Variants in RICTOR observed in about 807,000 individuals in gnomAD.
RICTOR encodes the protein RPTOR independent companion of MTOR complex 2, also known as rapamycin-insensitive companion of mTOR.
RICTOR carries 49 observed loss-of-function variants against 214.9 expected under a neutral mutation model. The observed-to-expected ratio is 0.23, with a 90% CI of 0.18 to 0.29. The LOEUF is 0.29. Ranked by LOEUF, RICTOR falls within the 10% of genes least tolerant of loss-of-function variation. RICTOR has a pLI of 1.00. For missense variants in RICTOR, 1,625 were observed against 2,047.0 expected (o/e 0.79, Z 3.98); for synonymous variants, 717 against 711.3 (o/e 1.01, Z -0.13).
rs1350352426 is a variant in RICTOR, at chr5:38,950,371, T to A, written c.3477A>T (p.Leu1159Phe). Residue 1159 changes from leucine (L) to phenylalanine (F), a missense_variant, in exon 31 of 38, where the codon TTA (leucine) becomes TTT (phenylalanine). By Grantham distance (22) the Leu-to-Phe change is conservative (BLOSUM62 0). Coordinates refer to ENST00000357387, the MANE Select transcript of RICTOR (RefSeq NM_152756.5). ...GCTTATTCCCCATAAATGAAGTCTC[T>A]AATTGTAATGTTTTCTGTACAGTGG... The part of the protein sequence containing the change: ...PISTVQKTLQ[L>F]ETSFMGNKHI... 6.2e-7 allele frequency: 1 copy of A among 1,613,370 alleles called. No individual in the cohort carries two copies. The highest frequency in any genetic ancestry group is 8.5e-7 in the Non-Finnish European group (1 of 1,179,506).
Position 38,960,330 on chromosome 5 carries a change from CAGAG to C in RICTOR, c.1851+64_1851+67del, listed in dbSNP as rs1011138125. The C allele has an allele frequency of 7.3e-5, 107 of 1,468,250 alleles. 1 individual carries two copies. In the African/African-American group the frequency reaches 1.4e-3, roughly 20 times the overall value. The allele number at this position is 1,468,250 out of a possible 1,614,324, so 91.0% of individuals were successfully genotyped here. A position where few individuals can be genotyped will look rare whatever the true frequency, so the allele number is the denominator to read the frequency against. On this transcript the variant is annotated intron_variant, in intron 20 of 37. Transcript: ENST00000357387. ...ATAAAAGCAAAACACAAGGTGGAAA[CAGAG>C]GGAGGGTAAGGGAAGCAAATTCAAT...
At chr5:39,025,102 C>T (rs2150141583) in intron 2 of RICTOR, among the ~76,000 whole-genome samples, 1 of 152,202 alleles carries the variant, frequency 6.6e-6, no homozygotes, top group Middle Eastern at 3.4e-3. Context: ...AGATGTTATC[C>T]TTCTTAACCC....
intron 1 of RICTOR, 53 bp downstream of exon 1, chr5:39,074,276 G>A (rs2150230222): frequency 1.3e-6 from 2 of 1,570,024 alleles, no homozygotes; most frequent in Non-Finnish European, 1.7e-6. Context: ...GAAGGCAAGT[G>A]CCAGGGGTGG....
chr5:39,055,426 C>CA (rs199794018), intron 2 of RICTOR, among the ~76,000 whole-genome samples: 6 of 129,456 alleles, frequency 4.6e-5, no homozygotes, highest in African/African-American at 1.2e-4. Flanking sequence ...TTCCCCCCCC[C>CA]CACTCTTTTT....
chr5:38,984,078 G>A (rs910822301), intron 7 of RICTOR, among the ~76,000 whole-genome samples: 2 of 151,884 alleles, frequency 1.3e-5, no homozygotes, highest in African/African-American at 4.8e-5. Flanking sequence ...AAAGTACCTG[G>A]ATGAGTTTTT....
At chr5:38,989,565 C>T (rs1246411220) in intron 7 of RICTOR, among the ~76,000 whole-genome samples, 1 of 152,072 alleles carries the variant, frequency 6.6e-6, no homozygotes, top group African/African-American at 2.4e-5. Flanking sequence ...CGTCAACAGG[C>T]AACCTACAGA....
intron 3 of RICTOR, among the ~76,000 whole-genome samples, chr5:39,008,499 C>G (rs1283082304): frequency 6.6e-6 from 1 of 151,922 alleles, no homozygotes; most frequent in Non-Finnish European, 1.5e-5. Flanking sequence ...CCAGAGCCCA[C>G]TATGAAAAAT....
Position 38,954,854 on chromosome 5 carries a change from G to T in RICTOR, c.2617C>A (p.Arg873Ser). 6.4e-7 allele frequency: 1 copy of T among 1,553,228 alleles called. No homozygotes were observed. Among genetic ancestry groups the T allele is most frequent in the Non-Finnish European group, 8.9e-7 (1 of 1,126,958 alleles). The change falls in exon 27 of 38, where the codon CGT becomes AGT. Residue 873 changes from arginine (R) to serine (S), a missense_variant. Arg to Ser is a moderately radical substitution (Grantham distance 110, BLOSUM62 -1). Coordinates refer to ENST00000357387, the MANE Select transcript of RICTOR (RefSeq NM_152756.5). ...YVRRSNQRLQ[R>S]PHVYLPIHLY... is the part of the protein sequence containing the mutation. ...TGTATAGGCAGGTAGACGTGAGGACGCTGTAATCTAGTATAATAAAGATGA... is the reference window on the plus strand; with the variant it reads ...TGTATAGGCAGGTAGACGTGAGGACTCTGTAATCTAGTATAATAAAGATGA...
intron 2 of RICTOR, among the ~76,000 whole-genome samples, chr5:39,025,853 A>C (rs1481211424): frequency 1.3e-5 from 2 of 152,198 alleles, no homozygotes; most frequent in South Asian, 2.1e-4. Context: ...TGAATGACAC[A>C]AACATTCAGT....
rs536774546 is a variant in RICTOR, at chr5:38,949,996, C to T, written c.3852G>A (p.Ser1284=). Residue 1284 remains serine (S), a synonymous_variant, in exon 31 of 38, where the codon TCG becomes TCA. Transcript: ENST00000357387. ...AAGAACCTGGAGGCACCAGGGACAC[C>T]GAATTTGATTTGGAGAGAGACAGAT... ...SNHLSLSKSN[S]VSLVPPGSSH... is the part of the protein sequence containing the mutation. 16 of 1,613,368 alleles carry T rather than the reference C, an allele frequency of 9.9e-6. No homozygotes were observed. Among genetic ancestry groups the T allele is most frequent in the African/African-American group, 8.0e-5 (6 of 74,926 alleles).
intron 6 of RICTOR, among the ~76,000 whole-genome samples, chr5:38,996,217 T>C (rs1277133858): frequency 6.6e-6 from 1 of 152,252 alleles, no homozygotes; most frequent in East Asian, 1.9e-4. Flanking sequence ...CAACCATATT[T>C]ACTCTCAGTT....
At chr5:39,062,417 C>CA (rs968866426) in intron 2 of RICTOR, among the ~76,000 whole-genome samples, 6 of 150,984 alleles carry the variant, frequency 4.0e-5, no homozygotes, top group Admixed American at 6.6e-5. Context: ...TTCATTTTTC[C>CA]TTTTTTTTTC....
intron 3 of RICTOR, among the ~76,000 whole-genome samples, chr5:39,004,482 C>T (rs1219363500): frequency 6.9e-5 from 10 of 144,802 alleles, no homozygotes; most frequent in East Asian, 2.0e-4. Flanking sequence ...TTTTTTGAGA[C>T]GGAGTCTCAC....
intron 36 of RICTOR, among the ~76,000 whole-genome samples, chr5:38,943,878 A>G (rs1413880159): frequency 6.6e-6 from 1 of 152,164 alleles, no homozygotes; most frequent in Non-Finnish European, 1.5e-5. Context: ...ATTTCTTTTA[A>G]GAACCACTGC....
At chr5:39,045,943 CATCTT>C (rs1757458966) in intron 2 of RICTOR, among the ~76,000 whole-genome samples, 1 of 151,866 alleles carries the variant, frequency 6.6e-6, no homozygotes, top group South Asian at 2.1e-4. Context: ...ATTGATTCCA[CATCTT>C]ATCTTATTCC....
chr5:39,032,471 A>T (rs574511895), intron 2 of RICTOR, among the ~76,000 whole-genome samples: 1 of 152,232 alleles, frequency 6.6e-6, no homozygotes, highest in African/African-American at 2.4e-5. Flanking sequence ...AAAACTGAAC[A>T]TGGACTTCAT....
chr5:38,954,718 ATT>A (rs1749088841), intron 27 of RICTOR, 54 bp downstream of exon 27: 7 of 1,074,330 alleles, frequency 6.5e-6, no homozygotes, highest in African/African-American at 1.6e-5. Flanking sequence ...CAATGTTAAG[ATT>A]TTGTTTTTTT....
intron 3 of RICTOR, among the ~76,000 whole-genome samples, chr5:39,010,801 G>A (rs893737991): frequency 2.6e-5 from 4 of 152,326 alleles, no homozygotes; most frequent in African/African-American, 9.6e-5. Flanking sequence ...CATTCAAGAG[G>A]TGACTTGGGT....
intron 2 of RICTOR, among the ~76,000 whole-genome samples, chr5:39,022,119 C>G (rs1755467589): frequency 6.6e-6 from 1 of 152,138 alleles, no homozygotes; most frequent in Non-Finnish European, 1.5e-5. Flanking sequence ...GTTAGATAGT[C>G]TTGCCCAACT....
Sources: gnomAD v4.1 joint callset for allele counts (sites outside exome capture counted in the v4.1 genomes callset) on GRCh38, gnomAD v4.1.1 for gene constraint, MANE v1.5 for transcripts, NCBI Gene and HGNC (gene_info 2026-07-23, HGNC 2026-07-21) for gene names.